Variants in SYT7 observed in about 807,000 individuals in gnomAD.
The protein encoded by SYT7 is synaptotagmin-7.
In SYT7, 29 loss-of-function variants were observed where a neutral mutation model predicts 75.1. The ratio of observed to expected loss-of-function variants is 0.39; its 90% CI spans 0.29 to 0.53. SYT7 has a LOEUF of 0.53. Ranked by LOEUF, SYT7 falls within the 20% of genes least tolerant of loss-of-function variation. SYT7 has a pLI of 0.77. For synonymous variants in SYT7, 376 were observed against 401.7 expected, an observed-to-expected ratio of 0.94 and a Z score of 0.76; for missense variants, 693 against 953.2, an observed-to-expected ratio of 0.73 and a Z score of 3.59.
At chr11:61,537,024 T>TA (rs1213556161) in intron 7 of SYT7, among the ~76,000 whole-genome samples, 3 of 152,190 alleles carry the variant, frequency 2.0e-5, no homozygotes, top group African/African-American at 7.2e-5. Flanking sequence ...ACTGGACAGA[T>TA]AAGTGAGCAG....
Position 61,523,003 on chromosome 11 carries a change from C to T in SYT7, c.1956+72G>A. The T allele has an allele frequency of 6.6e-7, 1 of 1,522,602 alleles. No homozygotes were observed. The highest frequency in any genetic ancestry group is 9.1e-7 in the Non-Finnish European group (1 of 1,100,156). 94.3% of individuals were successfully genotyped at this position (1,522,602 alleles called of 1,614,324 possible). A position where few individuals can be genotyped will look rare whatever the true frequency, so the allele number is the denominator to read the frequency against. Reference sequence around the variant, plus strand: ...TCCAGCCTGTGCCCGTCCACTACCCCCGCTGCTTCTTTTAAGGAACGGAGC... The same window carrying T: ...TCCAGCCTGTGCCCGTCCACTACCCTCGCTGCTTCTTTTAAGGAACGGAGC... On this transcript the variant is annotated intron_variant, in intron 12 of 12. Transcript: ENST00000539008. This position sits in a 1 kb window ranked among gnomAD's most constrained non-coding sequence, Gnocchi z 5.0.
chr11:61,568,908 A>G (rs1292918225), intron 1 of SYT7, among the ~76,000 whole-genome samples: 1 of 152,248 alleles, frequency 6.6e-6, no homozygotes. Flanking sequence ...GTATGGCTCC[A>G]AGGAATAAAT....
intron 8 of SYT7, 134 bp from the exon 9 acceptor site, chr11:61,528,319 G>T: frequency 8.8e-7 from 1 of 1,133,024 alleles, no homozygotes; most frequent in Non-Finnish European, 1.2e-6. Flanking sequence ...CGCTGCTCAG[G>T]CTCAGAGGGC....
At chr11:61,562,366 G>A (rs1262199918) in intron 1 of SYT7, among the ~76,000 whole-genome samples, 1 of 152,068 alleles carries the variant, frequency 6.6e-6, no homozygotes, top group African/African-American at 2.4e-5. Flanking sequence ...TGTGTGCCTT[G>A]GTTTCCCCAT....
At chr11:61,528,771 G>A (rs2062610275) in intron 8 of SYT7, among the ~76,000 whole-genome samples, 1 of 152,178 alleles carries the variant, frequency 6.6e-6, no homozygotes, top group African/African-American at 2.4e-5. Flanking sequence ...AATCACTAGG[G>A]ACAAGAAAAT....
rs1394105274 is a variant in SYT7, at chr11:61,513,943, G to A, written c.*4684C>T. ...CTTGTCCTTCTGGTTGTCTTTGCGT[G>A]GGAGGGAGAGGAGCGCAGGACGTAA... On this transcript the variant is annotated 3_prime_UTR_variant, in exon 13 of 13. Coordinates refer to ENST00000539008, the MANE Select transcript of SYT7 (RefSeq NM_001365809.2). 6.6e-6 allele frequency among the ~76,000 whole-genome samples: 1 copy of A among 152,172 alleles called. No individual in the cohort carries two copies. The highest frequency in any genetic ancestry group is 1.5e-5 in the Non-Finnish European group (1 of 68,034).
chr11:61,551,490 C>G lies in SYT7; in HGVS notation c.136-27G>C, dbSNP rs746690982. The G allele has an allele frequency of 6.2e-7, 1 of 1,610,962 alleles. No homozygotes were observed. Among genetic ancestry groups the G allele is most frequent in the Non-Finnish European group, 8.5e-7 (1 of 1,177,972 alleles). Reference sequence around the variant, plus strand: ...TGTGGAGATAGCACTAGGATCACTCCTGGGGAACAGGACTGTACCCTCCCT... The same window carrying G: ...TGTGGAGATAGCACTAGGATCACTCGTGGGGAACAGGACTGTACCCTCCCT... On this transcript the variant is annotated intron_variant, in intron 2 of 12. Transcript: ENST00000539008. This position sits in a 1 kb window ranked among gnomAD's most constrained non-coding sequence, Gnocchi z 5.3.
upstream of SYT7, among the ~76,000 whole-genome samples, chr11:61,584,616 G>A (rs1164678265): frequency 6.6e-6 from 1 of 152,140 alleles, no homozygotes; most frequent in Non-Finnish European, 1.5e-5. Context: ...CTGGAATATC[G>A]ATGAGAGCCG....
At position 61,547,316 on chromosome 11, in the gene SYT7, G is replaced by T. The variant is rs1441310690; in HGVS notation, c.216-8C>A. The T allele has an allele frequency of 6.5e-7, 1 of 1,535,392 alleles. No homozygotes were observed. Among genetic ancestry groups the T allele is most frequent in the African/African-American group, 1.4e-5 (1 of 73,086 alleles). ...AAGTCTCTGTCTAGATCACTGGAGG[G>T]GCAGAGAGAGAGGGGAGAAAACAGG... On this transcript the variant is annotated splice_polypyrimidine_tract_variant and splice_region_variant and intron_variant, in intron 3 of 12. Transcript: ENST00000539008.
At position 61,514,240 on chromosome 11, in the gene SYT7, C is replaced by T. The variant is rs2062105864; in HGVS notation, c.*4387G>A. Among the ~76,000 whole-genome samples, 1 of 152,246 alleles carries T rather than the reference C, an allele frequency of 6.6e-6. No homozygotes were observed. The highest frequency in any genetic ancestry group is 1.5e-5 in the Non-Finnish European group (1 of 68,044). ...TCCAGGGCTGCTTTCATGGAGAGCG[C>T]CTGAACAGAAGCTCTGGCCAAGGGA... On this transcript the variant is annotated 3_prime_UTR_variant, in exon 13 of 13. Transcript: ENST00000539008.
At chr11:61,563,901 G>C (rs1324503690) in intron 1 of SYT7, among the ~76,000 whole-genome samples, 2 of 152,226 alleles carry the variant, frequency 1.3e-5, no homozygotes, top group African/African-American at 4.8e-5. Context: ...GAAGACCAAA[G>C]TCTGGTACAC....
In SYT7 at chr11:61,514,574, C is replaced by T. The variant is rs994813180; in HGVS notation, c.*4053G>A. Among the ~76,000 whole-genome samples, 1 of 151,956 alleles carries T rather than the reference C, an allele frequency of 6.6e-6. No individual in the cohort carries two copies. The highest frequency in any genetic ancestry group is 1.9e-4 in the East Asian group (1 of 5,172). On this transcript the variant is annotated 3_prime_UTR_variant, in exon 13 of 13. Transcript: ENST00000539008. ...TCCTTCTGAAGTACCCTGAGAGCTGCGGGGGCTCAGCTTCCCCTGGGCTGG... is the reference window on the plus strand; with the variant it reads ...TCCTTCTGAAGTACCCTGAGAGCTGTGGGGGCTCAGCTTCCCCTGGGCTGG...
rs929779976 is a variant in SYT7, at chr11:61,553,426, G to A, written c.136-1963C>T. ...AGCTTGCCCTGGCCAGCACCCTCTC[G>A]TAAGGCAGGGCCGCTGCCCCTTCCC... On this transcript the variant is annotated intron_variant, in intron 2 of 12. Transcript: ENST00000539008. The surrounding 1 kb of genome is among the most constrained non-coding windows in gnomAD (Gnocchi z 5.2). Among the ~76,000 whole-genome samples the A allele has an allele frequency of 1.3e-5, 2 of 152,178 alleles. No homozygotes were observed. Among genetic ancestry groups the A allele is most frequent in the African/African-American group, 2.4e-5 (1 of 41,442 alleles).
At chr11:61,584,314 G>A (rs2064339646), upstream of SYT7, among the ~76,000 whole-genome samples, 2 of 150,006 alleles carry the variant, frequency 1.3e-5, no homozygotes, top group South Asian at 4.2e-4. Flanking sequence ...AGAATCGCTT[G>A]AACCCGGGAG....
chr11:61,549,593 T>C (rs1420975141), intron 3 of SYT7, among the ~76,000 whole-genome samples: 1 of 152,220 alleles, frequency 6.6e-6, no homozygotes, highest in Non-Finnish European at 1.5e-5. Context: ...CTCCGCCACC[T>C]GTGACTCCAC....
chr11:61,526,026 G>A (rs2062503875), intron 9 of SYT7: 1 of 152,412 alleles, frequency 6.6e-6, no homozygotes, highest in Non-Finnish European at 1.5e-5. Context: ...AGGAGATTCT[G>A]AAACCAGGTA....
chr11:61,580,284 G>A lies in SYT7; in HGVS notation c.31+506C>T, dbSNP rs1045078624. On this transcript the variant is annotated intron_variant, in intron 1 of 12. Coordinates refer to ENST00000539008, the MANE Select transcript of SYT7 (RefSeq NM_001365809.2). This position sits in a 1 kb window ranked among gnomAD's most constrained non-coding sequence, Gnocchi z 6.1. Reference sequence around the variant, plus strand: ...CCCAGAACCTCCCTGCCCAGCTGCCGCACCAGATTCCCACTTGCCCCCTGG... The same window carrying A: ...CCCAGAACCTCCCTGCCCAGCTGCCACACCAGATTCCCACTTGCCCCCTGG... Among the ~76,000 whole-genome samples, 4 of 150,520 alleles carry A rather than the reference G, an allele frequency of 2.7e-5. No individual in the cohort carries two copies. Among genetic ancestry groups the A allele is most frequent in the Non-Finnish European group, 5.9e-5 (4 of 67,754 alleles).
At chr11:61,530,563 G>A (rs1031929384) in intron 8 of SYT7, among the ~76,000 whole-genome samples, 10 of 152,190 alleles carry the variant, frequency 6.6e-5, no homozygotes, top group African/African-American at 2.4e-4. Context: ...CACTGGCAGA[G>A]GGATCGAGCA....
chr11:61,564,594 C>G (rs1286120656), intron 1 of SYT7, among the ~76,000 whole-genome samples: 1 of 152,182 alleles, frequency 6.6e-6, no homozygotes, highest in East Asian at 1.9e-4. Context: ...TCTATAAGAC[C>G]TCAAACCCTG....
Sources: allele counts gnomAD v4.1 joint callset (sites outside exome capture counted in the v4.1 genomes callset), GRCh38; gene constraint gnomAD v4.1.1; non-coding constraint Gnocchi (gnomAD v3.1); transcripts MANE v1.5; gene names NCBI Gene and HGNC (gene_info 2026-07-23, HGNC 2026-07-21).